The following PARD3B variants were observed in gnomAD, a reference collection of about 807,000 sequenced individuals.
PARD3B encodes the protein par-3 family cell polarity regulator beta.
PARD3B carries 103 observed loss-of-function variants against 130.2 expected under a neutral mutation model. That is an observed-to-expected ratio of 0.79 (90% CI 0.67 to 0.93). PARD3B has a LOEUF of 0.93. Among genes scored for constraint, PARD3B ranks in the 40% least tolerant of loss-of-function variants. The probability of loss-of-function intolerance (pLI) is 0.00; values close to 1 mark genes in which losing one functional copy is unlikely to be tolerated. For synonymous variants in PARD3B, 583 were observed against 553.2 expected (o/e 1.05, Z -0.76); for missense variants, 1,609 against 1,499.2 (o/e 1.07, Z -1.21).
intron 15 of PARD3B, among the ~76,000 whole-genome samples, chr2:205,197,640 A>G (rs1434985286): frequency 6.6e-6 from 1 of 152,224 alleles, no homozygotes; most frequent in Non-Finnish European, 1.5e-5. Flanking sequence ...TTAACATGAT[A>G]AATAAAAGGA....
chr2:205,057,344 CATATACATATATACATGT>C (rs1699714958), intron 4 of PARD3B, among the ~76,000 whole-genome samples: 1 of 86,158 alleles, frequency 1.2e-5, no homozygotes, highest in Non-Finnish European at 2.6e-5. Flanking sequence ...GTGTTATATA[CATATACATATATACATGT>C]ATATGTGTTA....
chr2:204,864,581 C>T (rs1174016785), intron 2 of PARD3B, among the ~76,000 whole-genome samples: 1 of 152,156 alleles, frequency 6.6e-6, no homozygotes, highest in Admixed American at 6.6e-5. Context: ...ACCAAATTAT[C>T]TAATATAGTC....
At chr2:205,459,988 T>C (rs11891340) in intron 20 of PARD3B, among the ~76,000 whole-genome samples, 25,093 of 152,074 alleles carry the variant, frequency 0.17, 3,883 homozygotes, top group African/African-American at 0.41. Flanking sequence ...TTTGTACTTA[T>C]GTGAGTGAAA....
At chr2:205,022,892 T>C (rs1446030718) in intron 3 of PARD3B, among the ~76,000 whole-genome samples, 1 of 152,214 alleles carries the variant, frequency 6.6e-6, no homozygotes, top group African/African-American at 2.4e-5. Context: ...TTTGCTTGCC[T>C]CTTGTTAGTT....
rs148434752 is a variant in PARD3B, at chr2:205,119,944, G to T, written c.806+898G>T. Among the ~76,000 whole-genome samples the T allele has an allele frequency of 3.6e-3, 545 of 152,126 alleles. 1 individual carries two copies. Among genetic ancestry groups the T allele is most frequent in the Non-Finnish European group, 4.8e-3 (325 of 68,002 alleles). ...CATTGCAGTGGGATTCTGGACCAAA[G>T]GACTAAGTACTAATAATCCTTGGGA... On this transcript the variant is annotated intron_variant, in intron 7 of 22. Coordinates refer to ENST00000406610, the MANE Select transcript of PARD3B (RefSeq NM_001302769.2).
chr2:205,098,354 T>C (rs1478649286), intron 4 of PARD3B, among the ~76,000 whole-genome samples: 1 of 152,134 alleles, frequency 6.6e-6, no homozygotes, highest in Non-Finnish European at 1.5e-5. Context: ...GTAGCTAAAA[T>C]TCATTGAGGG....
intron 21 of PARD3B, among the ~76,000 whole-genome samples, chr2:205,520,784 A>AG (rs1244319824): frequency 4.6e-5 from 7 of 152,050 alleles, no homozygotes; most frequent in Admixed American, 1.3e-4. Context: ...TTATATTTTG[A>AG]AAATTTCTCA....
intron 21 of PARD3B, among the ~76,000 whole-genome samples, chr2:205,526,841 C>A (rs532520723): frequency 1.3e-5 from 2 of 152,216 alleles, no homozygotes; most frequent in South Asian, 4.1e-4. Flanking sequence ...TAGAAATGGC[C>A]TCTGGGGGTG....
At chr2:205,103,330 CATATTTTTATTTATGTAAAATAAAT>C (rs376023748) in intron 4 of PARD3B, among the ~76,000 whole-genome samples, 1 of 91,344 alleles carries the variant, frequency 1.1e-5, no homozygotes, top group African/African-American at 4.3e-5. Flanking sequence ...GTAAAATAAA[CATATTTTTATTTATGTAAAATAAAT>C]ATATTTTTTA....
In PARD3B at chr2:205,300,415, C is replaced by T. The variant is rs1169220103; in HGVS notation, c.2186-115C>T. On this transcript the variant is annotated intron_variant, in intron 16 of 22. Coordinates refer to ENST00000406610, the MANE Select transcript of PARD3B (RefSeq NM_001302769.2). This position sits in a 1 kb window ranked among gnomAD's most constrained non-coding sequence, Gnocchi z 4.1. ...AAAGCTGGAGTATAACCCCAACTCC[C>T]ACCCACTTAACACCCCTTTTTTGGG... 9 of 958,784 alleles carry T rather than the reference C, an allele frequency of 9.4e-6. No individual in the cohort carries two copies. Among genetic ancestry groups the T allele is most frequent in the Admixed American group, 2.0e-5 (1 of 48,874 alleles). 59.4% of individuals were successfully genotyped at this position (958,784 alleles called of 1,614,324 possible).
chr2:205,186,654 C>T (rs976789546), intron 14 of PARD3B, among the ~76,000 whole-genome samples: 2 of 152,082 alleles, frequency 1.3e-5, no homozygotes, highest in African/African-American at 4.8e-5. Context: ...AGCAGCATGC[C>T]TTAGAGTATA....
intron 10 of PARD3B, among the ~76,000 whole-genome samples, chr2:205,156,280 GA>G (rs2034144056): frequency 7.5e-6 from 1 of 133,820 alleles, no homozygotes; most frequent in Admixed American, 7.5e-5. Flanking sequence ...GCGGGGGGGG[GA>G]GGAATAGCAT....
In PARD3B at chr2:205,489,739, C is replaced by G. The variant is rs372088402; in HGVS notation, c.3045-10157C>G. On this transcript the variant is annotated intron_variant, in intron 20 of 22. Coordinates refer to ENST00000406610, the MANE Select transcript of PARD3B (RefSeq NM_001302769.2). The stretch of plus-strand genomic sequence containing the variant: ...ATTAGAATAAGGCAGTTATTTGTTA[C>G]TGGCTTATTATGGTGAACTGAAGCC... Among the ~76,000 whole-genome samples the G allele has an allele frequency of 2.0e-4, 31 of 151,930 alleles. No homozygotes were observed. The East Asian group carries it at 2.9e-3, about 14-fold the overall frequency.
At chr2:205,054,019 A>C (rs1344664307) in intron 4 of PARD3B, among the ~76,000 whole-genome samples, 1 of 152,130 alleles carries the variant, frequency 6.6e-6, no homozygotes. Context: ...GATGGCTTTC[A>C]TATGGCTTTG....
intron 2 of PARD3B, among the ~76,000 whole-genome samples, chr2:204,883,455 A>ATTTTTTTT (rs1348171832): frequency 3.9e-5 from 3 of 77,274 alleles, no homozygotes; most frequent in South Asian, 4.1e-4. Context: ...ATATATATAT[A>ATTTTTTTT]TTTTTTTTTT....
intron 3 of PARD3B, among the ~76,000 whole-genome samples, chr2:204,982,213 A>G (rs577653790): frequency 6.6e-6 from 1 of 152,170 alleles, no homozygotes; most frequent in Non-Finnish European, 1.5e-5. Flanking sequence ...AAGGAGTGAC[A>G]TTATTAGGTA....
intron 1 of PARD3B, among the ~76,000 whole-genome samples, chr2:204,565,408 T>G (rs2031612825): frequency 6.6e-6 from 1 of 152,220 alleles, no homozygotes; most frequent in African/African-American, 2.4e-5. Flanking sequence ...GTTCATGTGG[T>G]ACTTTGACTG....
intron 1 of PARD3B, among the ~76,000 whole-genome samples, chr2:204,561,887 G>A (rs1320089221): frequency 2.0e-5 from 3 of 152,012 alleles, no homozygotes; most frequent in Non-Finnish European, 4.4e-5. Flanking sequence ...GTGAGTCACC[G>A]CGCCCGGCCA....
intron 2 of PARD3B, among the ~76,000 whole-genome samples, chr2:204,929,872 G>C (rs559939448): frequency 6.6e-6 from 1 of 151,782 alleles, no homozygotes; most frequent in Non-Finnish European, 1.5e-5. Context: ...TTTCTATTCC[G>C]TAACAGTTTG....
Sources: gnomAD v4.1 joint callset for allele counts (sites outside exome capture counted in the v4.1 genomes callset) on GRCh38, gnomAD v4.1.1 for gene constraint, Gnocchi (gnomAD v3.1) non-coding constraint, MANE v1.5 for transcripts, NCBI Gene and HGNC (gene_info 2026-07-23, HGNC 2026-07-21) for gene names.